Variants in SKI observed in about 807,000 individuals in gnomAD.
The protein encoded by SKI is SKI proto-oncogene.
Under a neutral mutation model 59.3 loss-of-function variants are expected in SKI, and 23 were observed. The observed-to-expected ratio is 0.39, with a 90% CI of 0.28 to 0.55. The LOEUF (loss-of-function observed/expected upper bound fraction) is 0.55. Among genes scored for constraint, SKI ranks in the 20% least tolerant of loss-of-function variants. The probability of loss-of-function intolerance (pLI) is 0.67; values close to 1 mark genes in which losing one functional copy is unlikely to be tolerated. For synonymous variants in SKI, 673 were observed against 488.6 expected, an observed-to-expected ratio of 1.38 and a Z score of -4.98; for missense variants, 1,017 against 1,038.9, an observed-to-expected ratio of 0.98 and a Z score of 0.29.
At position 2,303,342 on chromosome 1, in the gene SKI, G is replaced by T. The variant is rs758235470; in HGVS notation, c.1153G>T (p.Ala385Ser). 1 of 1,613,784 alleles carries T rather than the reference G, an allele frequency of 6.2e-7. No homozygotes were observed. The highest frequency in any genetic ancestry group is 8.5e-7 in the Non-Finnish European group (1 of 1,180,028). ...RLSAFRPWSP[A>S]VSASEKELSP... ...CTCTGCTTTCCGACCCTGGTCCCCC[G>T]CAGTGTCAGCGAGTGAGAAAGAGCT... The change falls in exon 3 of 7, where the codon GCA becomes TCA. Residue 385 changes from alanine (A) to serine (S), a missense_variant. Ala to Ser is a moderately conservative substitution (Grantham distance 99, BLOSUM62 1). Transcript: ENST00000378536. This position sits in a 1 kb window ranked among gnomAD's most constrained non-coding sequence, Gnocchi z 5.6.
chr1:2,299,839 G>A (rs1466778626), intron 1 of SKI, among the ~76,000 whole-genome samples: 4 of 152,202 alleles, frequency 2.6e-5, no homozygotes, highest in African/African-American at 9.7e-5. Context: ...GAAACGCAGG[G>A]CCCCCAAGGG....
chr1:2,243,699 G>A (rs898341703), intron 1 of SKI, among the ~76,000 whole-genome samples: 1 of 152,182 alleles, frequency 6.6e-6, no homozygotes. Flanking sequence ...CTGTAAACGA[G>A]TTCTCTGCTG....
intron 1 of SKI, among the ~76,000 whole-genome samples, chr1:2,273,889 C>T (rs936305061): frequency 6.6e-6 from 1 of 152,068 alleles, no homozygotes; most frequent in African/African-American, 2.4e-5. Context: ...GGTGGGGATG[C>T]CTCTCCGCCC....
chr1:2,251,645 G>C (rs996093304), intron 1 of SKI, among the ~76,000 whole-genome samples: 34 of 152,192 alleles, frequency 2.2e-4, no homozygotes, highest in African/African-American at 8.2e-4. Flanking sequence ...GCAGCATCTG[G>C]GGGGGCTGGC....
In SKI at chr1:2,268,362, G is replaced by A. The variant is rs377301440; in HGVS notation, c.970-34616G>A. Among the ~76,000 whole-genome samples, 4 of 152,194 alleles carry A rather than the reference G, an allele frequency of 2.6e-5. No homozygotes were observed. In the East Asian group the frequency reaches 5.8e-4, roughly 22 times the overall value. On this transcript the variant is annotated intron_variant, in intron 1 of 6. Transcript: ENST00000378536. This position sits in a 1 kb window ranked among gnomAD's most constrained non-coding sequence, Gnocchi z 5.0. Reference sequence around the variant, plus strand: ...CCCTGCACCCTGGCCCGGGTGTGGGGTCCTGGTGCTCTGTGGCCTGGGACA... The same window carrying A: ...CCCTGCACCCTGGCCCGGGTGTGGGATCCTGGTGCTCTGTGGCCTGGGACA...
intron 1 of SKI, among the ~76,000 whole-genome samples, chr1:2,282,453 G>GAAAGAAAGCCC (rs1639912296): frequency 8.9e-6 from 1 of 112,216 alleles, no homozygotes. Context: ...GAGATCTTCA[G>GAAAGAAAGCCC]AGAGAGGACG....
At chr1:2,299,570 A>G (rs1056102977) in intron 1 of SKI, among the ~76,000 whole-genome samples, 10 of 152,108 alleles carry the variant, frequency 6.6e-5, no homozygotes, top group African/African-American at 1.7e-4. Flanking sequence ...GGTAGGGGAC[A>G]TGGAGCGTCT....
At chr1:2,272,437 A>T (rs138096908) in intron 1 of SKI, among the ~76,000 whole-genome samples, 244 of 152,284 alleles carry the variant, frequency 1.6e-3, no homozygotes, top group African/African-American at 5.7e-3. Context: ...GGGGTTGGGG[A>T]GACGGCCCTG....
chr1:2,242,656 A>G (rs1174326145), intron 1 of SKI, among the ~76,000 whole-genome samples: 1 of 152,070 alleles, frequency 6.6e-6, no homozygotes, highest in Non-Finnish European at 1.5e-5. Context: ...AGTAGCCGGG[A>G]CTGTAGGTGG....
At chr1:2,283,891 C>T (rs1639973043) in intron 1 of SKI, among the ~76,000 whole-genome samples, 3 of 152,220 alleles carry the variant, frequency 2.0e-5, no homozygotes, top group South Asian at 2.1e-4. Context: ...GGCAGCAAAG[C>T]TGACCCGCTG....
chr1:2,255,601 C>T (rs1260455648), intron 1 of SKI, among the ~76,000 whole-genome samples: 2 of 151,480 alleles, frequency 1.3e-5, no homozygotes, highest in South Asian at 2.1e-4. Flanking sequence ...ACCTCATTTC[C>T]TGTCTGGAAC....
chr1:2,283,895 C>G (rs1255773650), intron 1 of SKI, among the ~76,000 whole-genome samples: 2 of 152,200 alleles, frequency 1.3e-5, no homozygotes, highest in South Asian at 4.1e-4. Context: ...GCAAAGCTGA[C>G]CCGCTGGCGG....
chr1:2,303,529 G>T lies in SKI; in HGVS notation c.1211+129G>T. On this transcript the variant is annotated intron_variant, in intron 3 of 6. Coordinates refer to ENST00000378536, the MANE Select transcript of SKI (RefSeq NM_003036.4). This position sits in a 1 kb window ranked among gnomAD's most constrained non-coding sequence, Gnocchi z 5.6. ...GCCGCCTTTTGGTCAGGGCAGTCTC[G>T]GTGTTGGTTCCTTTGGCTGGCATCA... 3.6e-6 allele frequency: 3 copies of T among 837,090 alleles called. 1 individual carries two copies. The highest frequency in any genetic ancestry group is 3.1e-5 in the South Asian group (2 of 63,574). The allele number at this position is 837,090 out of a possible 1,614,324, so 51.9% of individuals were successfully genotyped here. A position where few individuals can be genotyped will look rare whatever the true frequency, so the allele number is the denominator to read the frequency against.
At chr1:2,252,499 C>T (rs866445043) in intron 1 of SKI, among the ~76,000 whole-genome samples, 5 of 152,180 alleles carry the variant, frequency 3.3e-5, no homozygotes, top group African/African-American at 9.7e-5. Context: ...GGAAGGCTTT[C>T]GTCCGTCTGA....
chr1:2,253,190 C>A (rs991913774), intron 1 of SKI, among the ~76,000 whole-genome samples: 2 of 152,184 alleles, frequency 1.3e-5, no homozygotes, highest in African/African-American at 4.8e-5. Context: ...GTCCAGCACC[C>A]GCCTGCAGCG....
At chr1:2,251,775 G>C (rs1171660750) in intron 1 of SKI, among the ~76,000 whole-genome samples, 3 of 152,230 alleles carry the variant, frequency 2.0e-5, no homozygotes, top group Admixed American at 2.0e-4. Flanking sequence ...AAAATGAACC[G>C]CAAAGTATTT....
chr1:2,284,211 C>T (rs1341274634), intron 1 of SKI, among the ~76,000 whole-genome samples: 2 of 152,156 alleles, frequency 1.3e-5, no homozygotes, highest in Non-Finnish European at 1.5e-5. Context: ...AGCGTCCTCC[C>T]CGTTCCACTG....
At chr1:2,246,234 G>T (rs985607423) in intron 1 of SKI, among the ~76,000 whole-genome samples, 1 of 152,150 alleles carries the variant, frequency 6.6e-6, no homozygotes, top group Non-Finnish European at 1.5e-5. Context: ...ATCCTAATGG[G>T]TGTGAGGTGG....
At chr1:2,266,170 T>C (rs1639496421) in intron 1 of SKI, among the ~76,000 whole-genome samples, 1 of 152,066 alleles carries the variant, frequency 6.6e-6, no homozygotes. Context: ...CCCCATGAAT[T>C]TGGGCAATTT....
Sources: allele counts gnomAD v4.1 joint callset (sites outside exome capture counted in the v4.1 genomes callset), GRCh38; gene constraint gnomAD v4.1.1; non-coding constraint Gnocchi (gnomAD v3.1); transcripts MANE v1.5; gene names NCBI Gene and HGNC (gene_info 2026-07-23, HGNC 2026-07-21).